KIF13A: variants seen among roughly 807,000 people sequenced by gnomAD.
KIF13A encodes kinesin family member 13A, also known as kinesin-like protein KIF13A.
Under a neutral mutation model 212.2 loss-of-function variants are expected in KIF13A, and 79 were observed. That is an observed-to-expected ratio of 0.37 (90% CI 0.31 to 0.45). The LOEUF is 0.45. KIF13A is among the 20% of genes least tolerant of loss of function. The pLI is 1.00. For missense variants in KIF13A, 1,901 were observed against 2,209.0 expected, an observed-to-expected ratio of 0.86 and a Z score of 2.79; for synonymous variants, 789 against 808.6, an observed-to-expected ratio of 0.98 and a Z score of 0.41.
intron 2 of KIF13A, among the ~76,000 whole-genome samples, chr6:17,910,485 A>C (rs1293054144): frequency 6.6e-6 from 1 of 152,256 alleles, no homozygotes; most frequent in African/African-American, 2.4e-5. Flanking sequence ...CCAATGTAAG[A>C]GGTATCCTAC....
chr6:17,976,766 C>T (rs1780549880), intron 2 of KIF13A, among the ~76,000 whole-genome samples: 1 of 149,532 alleles, frequency 6.7e-6, no homozygotes, highest in African/African-American at 2.5e-5. Context: ...CACGCCACCG[C>T]ACTCTATCCT....
intron 2 of KIF13A, among the ~76,000 whole-genome samples, chr6:17,944,579 A>G (rs762541887): frequency 3.3e-5 from 5 of 152,138 alleles, no homozygotes; most frequent in African/African-American, 7.2e-5. Context: ...CTCCTCCCCA[A>G]ATTAACTCCC....
At position 17,849,500 on chromosome 6, in the gene KIF13A, G is replaced by C; in HGVS notation, c.718-11C>G. 1 of 1,597,366 alleles carries C rather than the reference G, an allele frequency of 6.3e-7. No individual in the cohort carries two copies. Among genetic ancestry groups the C allele is most frequent in the Non-Finnish European group, 8.6e-7 (1 of 1,166,366 alleles). On this transcript the variant is annotated splice_polypyrimidine_tract_variant and intron_variant, in intron 8 of 38. Transcript: ENST00000259711. The surrounding 1 kb of genome is among the most constrained non-coding windows in gnomAD (Gnocchi z 5.7). ...TTTCTCCCCGGAATTCTAGTTATAGGAAACGAGAGAGAGAAGAAAAACTTA... is the reference window on the plus strand; with the variant it reads ...TTTCTCCCCGGAATTCTAGTTATAGCAAACGAGAGAGAGAAGAAAAACTTA...
At chr6:17,800,189 T>C in intron 20 of KIF13A, 76 bp from the exon 21 acceptor site, 1 of 1,407,438 alleles carries the variant, frequency 7.1e-7, no homozygotes, top group Non-Finnish European at 9.6e-7. Context: ...AGACGTGCCT[T>C]CTACAGTGAA....
intron 9 of KIF13A, among the ~76,000 whole-genome samples, chr6:17,846,041 CTTTT>C (rs34232861): frequency 1.2e-5 from 1 of 83,254 alleles, no homozygotes; most frequent in Admixed American, 1.7e-4. Flanking sequence ...GGAACTCAAC[CTTTT>C]TTTTTTTTTT....
At chr6:17,807,872 A>C (rs905149387) in intron 18 of KIF13A, among the ~76,000 whole-genome samples, 5 of 152,164 alleles carry the variant, frequency 3.3e-5, no homozygotes, top group African/African-American at 1.2e-4. Context: ...ACACTTATGG[A>C]AAATAGAAAG....
At chr6:17,831,052 C>T in intron 13 of KIF13A, 49 bp downstream of exon 13, 2 of 1,541,596 alleles carry the variant, frequency 1.3e-6, no homozygotes, top group African/African-American at 2.7e-5. Flanking sequence ...CAACTACGAA[C>T]TGTATAGGAA....
intron 2 of KIF13A, among the ~76,000 whole-genome samples, chr6:17,955,566 T>C (rs1183527738): frequency 6.6e-6 from 1 of 152,218 alleles, no homozygotes; most frequent in Non-Finnish European, 1.5e-5. Flanking sequence ...ATTCACTATA[T>C]TGGATGTAAT....
chr6:17,878,674 C>T (rs530137949), intron 3 of KIF13A, among the ~76,000 whole-genome samples: 1 of 152,260 alleles, frequency 6.6e-6, no homozygotes, highest in African/African-American at 2.4e-5. Context: ...AAGAGATCTA[C>T]CCCAAATTTT....
At position 17,794,410 on chromosome 6, in the gene KIF13A, G is replaced by C. The variant is rs200750901; in HGVS notation, c.3076-15C>G. On this transcript the variant is annotated splice_polypyrimidine_tract_variant and intron_variant, in intron 24 of 38. Coordinates refer to ENST00000259711, the MANE Select transcript of KIF13A (RefSeq NM_022113.6). The surrounding 1 kb of genome is among the most constrained non-coding windows in gnomAD (Gnocchi z 4.1). ...CGGGAATGACCCTGAAGAGGGTGGG[G>C]AGGAGTATGGGTGCCAGGAATGATA... The C allele has an allele frequency of 9.3e-6, 15 of 1,605,510 alleles. No individual in the cohort carries two copies. The Admixed American group carries it at 2.5e-4, about 27-fold the overall frequency.
At chr6:17,948,494 T>C (rs1237024462) in intron 2 of KIF13A, among the ~76,000 whole-genome samples, 1 of 150,746 alleles carries the variant, frequency 6.6e-6, no homozygotes, top group African/African-American at 2.4e-5. Flanking sequence ...TTATGCTACA[T>C]GAACAGGGAA....
In KIF13A at chr6:17,808,890, G is replaced by C; in HGVS notation, c.2041C>G (p.Gln681Glu). ...ACCAAGGTATTAGCTTTAACCAGCT[G>C]CTCTCGCAGTTTTGCCAGGCTTTGT... ...FRQSLAKLRE[Q>E]LVKANTLVRE... is the part of the protein sequence containing the mutation. Residue 681 changes from glutamine to glutamate, a missense_variant, in exon 18 of 39, where the codon CAG becomes GAG. Gln to Glu is a conservative substitution (Grantham distance 29, BLOSUM62 2). This residue lies in a region of KIF13A where 534 missense variants were observed against 536.9 expected (regional missense o/e 0.99). Transcript: ENST00000259711. The C allele has an allele frequency of 6.2e-7, 1 of 1,613,260 alleles. No homozygotes were observed. Among genetic ancestry groups the C allele is most frequent in the Non-Finnish European group, 8.5e-7 (1 of 1,179,586 alleles).
At chr6:17,824,774 A>C (rs1299788168) in intron 16 of KIF13A, among the ~76,000 whole-genome samples, 94 of 148,164 alleles carry the variant, frequency 6.3e-4, no homozygotes, top group African/African-American at 2.1e-3. Flanking sequence ...AAAAAAAAAA[A>C]AAAAAACAAA....
chr6:17,762,622 T>C (rs529673583), downstream of KIF13A, among the ~76,000 whole-genome samples: 7 of 152,296 alleles, frequency 4.6e-5, no homozygotes, highest in South Asian at 1.4e-3. Context: ...TAAAGAGTCT[T>C]TGACACTGGC....
chr6:17,915,301 G>A lies in KIF13A; in HGVS notation c.147-17121C>T, dbSNP rs1774397620. Among the ~76,000 whole-genome samples, 1 of 152,116 alleles carries A rather than the reference G, an allele frequency of 6.6e-6. No homozygotes were observed. Among genetic ancestry groups the A allele is most frequent in the African/African-American group, 2.4e-5 (1 of 41,432 alleles). On this transcript the variant is annotated intron_variant, in intron 2 of 38. Transcript: ENST00000259711. The surrounding 1 kb of genome is among the most constrained non-coding windows in gnomAD (Gnocchi z 4.4). ...CATTCTTGCCTCCACCACTTTGTAG[G>A]GACCTTGGACCTGGTGCTTAAGCTC...
rs1280208457 is a variant in KIF13A at position 17,771,008 on chromosome 6, A to G, written c.4581+106T>C. 2.6e-5 allele frequency: 19 copies of G among 730,196 alleles called. No homozygotes were observed. Among genetic ancestry groups the G allele is most frequent in the Non-Finnish European group, 3.9e-5 (17 of 437,560 alleles). The allele number at this position is 730,196 out of a possible 1,614,324, so 45.2% of individuals were successfully genotyped here. A position where few individuals can be genotyped will look rare whatever the true frequency, so the allele number is the denominator to read the frequency against. ...TCACATTTTTATTTTCTTTAAGACA[A>G]AGACCCAATACATGTCTTAATTTCT... On this transcript the variant is annotated intron_variant, in intron 38 of 38. Coordinates refer to ENST00000259711, the MANE Select transcript of KIF13A (RefSeq NM_022113.6). This position sits in a 1 kb window ranked among gnomAD's most constrained non-coding sequence, Gnocchi z 5.4.
In KIF13A at chr6:17,850,886, T is replaced by G. The variant is rs1468078955; in HGVS notation, c.583-429A>C. On this transcript the variant is annotated intron_variant, in intron 7 of 38. Transcript: ENST00000259711. The surrounding 1 kb of genome is among the most constrained non-coding windows in gnomAD (Gnocchi z 6.2). ...GCAGGGTTTTTTCCTTATTCCACTT[T>G]GTACACTTGCTCCTAGAATGCCTAG... 2.6e-5 allele frequency among the ~76,000 whole-genome samples: 4 copies of G among 152,212 alleles called. No individual in the cohort carries two copies. The highest frequency in any genetic ancestry group is 5.9e-5 in the Non-Finnish European group (4 of 68,038).
Position 17,764,242 on chromosome 6 carries a change from C to A in KIF13A, c.5286G>T (p.Arg1762Ser), listed in dbSNP as rs1254500237. 9.3e-6 allele frequency: 15 copies of A among 1,613,884 alleles called. No individual in the cohort carries two copies. Among genetic ancestry groups the A allele is most frequent in the Non-Finnish European group, 2.5e-6 (3 of 1,179,898 alleles). ...TGCCGCCTGTTTTATTTGGTAGACT[C>A]CTCCTACTGGAAAGCTCTCCAGCAG... ...DSSAGELSSR[R>S]SLPNKTGGKT... The change falls in exon 39 of 39, where the codon AGG becomes AGT. Residue 1762 changes from arginine (R) to serine (S), a missense_variant. Coordinates refer to ENST00000259711, the MANE Select transcript of KIF13A (RefSeq NM_022113.6). This position sits in a 1 kb window ranked among gnomAD's most constrained non-coding sequence, Gnocchi z 5.1.
Position 17,982,215 on chromosome 6 carries a change from C to T in KIF13A, c.146+4839G>A, listed in dbSNP as rs1315074087. The T allele has an allele frequency of 6.5e-6, 1 of 153,266 alleles. No homozygotes were observed. Among genetic ancestry groups the T allele is most frequent in the Admixed American group, 6.6e-5 (1 of 15,266 alleles). The allele number at this position is 153,266 out of a possible 1,614,324, so 9.5% of individuals were successfully genotyped here. A position where few individuals can be genotyped will look rare whatever the true frequency, so the allele number is the denominator to read the frequency against. On this transcript the variant is annotated intron_variant, in intron 2 of 38. Transcript: ENST00000259711. This position sits in a 1 kb window ranked among gnomAD's most constrained non-coding sequence, Gnocchi z 5.1. ...GGTTCAAGTGATTCTCCTGCCTCTG[C>T]CTCCTAAGTAGCTGGGATTATAGGT...
Sources: gnomAD v4.1 joint callset for allele counts (sites outside exome capture counted in the v4.1 genomes callset) on GRCh38, gnomAD v4.1.1 for gene constraint, gnomAD v4.1.1 regional missense constraint, Gnocchi (gnomAD v3.1) non-coding constraint, MANE v1.5 for transcripts, NCBI Gene and HGNC (gene_info 2026-07-23, HGNC 2026-07-21) for gene names.